ZNF503: variants seen among roughly 807,000 people sequenced by gnomAD.
ZNF503 encodes NocA-like zinc finger 2.
ZNF503 carries 15 observed loss-of-function variants against 34.4 expected under a neutral mutation model. The ratio of observed to expected loss-of-function variants is 0.44; its 90% CI spans 0.29 to 0.67. The LOEUF (loss-of-function observed/expected upper bound fraction) is 0.67. ZNF503 is among the 30% of genes least tolerant of loss of function. The probability of loss-of-function intolerance (pLI) is 0.13; values close to 1 mark genes in which losing one functional copy is unlikely to be tolerated. For synonymous variants in ZNF503, 580 were observed against 456.8 expected, an observed-to-expected ratio of 1.27 and a Z score of -3.44; for missense variants, 1,007 against 926.8, an observed-to-expected ratio of 1.09 and a Z score of -1.12.
chr10:75,383,260 A>G, the ZNF503 span, among the ~76,000 whole-genome samples: 1 of 152,214 alleles, frequency 6.6e-6, no homozygotes, highest in South Asian at 2.1e-4. Flanking sequence ...GCACCCATCC[A>G]TCTAGGGCTG....
In ZNF503 at chr10:75,398,906, G is replaced by A. The variant is rs1025552416; in HGVS notation, c.1784C>T (p.Ala595Val). ...GTGGTAGCGGCTGCTGAGTCCCAGC[G>A]CGTGGTGGGGGCTGCGCAGCGCCAG... is the stretch of plus-strand genomic sequence containing the variant. ...GTLALRSPHH[A>V]LGLSSRYHPY... is the part of the protein sequence containing the mutation. Residue 595 changes from alanine to valine, a missense_variant, in exon 2 of 2, where the codon GCG becomes GTG. By Grantham distance (64) the Ala-to-Val change is moderately conservative (BLOSUM62 0). Coordinates refer to ENST00000372524, the MANE Select transcript of ZNF503 (RefSeq NM_032772.6). 7.7e-6 allele frequency: 12 copies of A among 1,559,958 alleles called. No individual in the cohort carries two copies. The highest frequency in any genetic ancestry group is 1.0e-5 in the Non-Finnish European group (12 of 1,156,154).
At chr10:75,325,970 C>T in the ZNF503 span, among the ~76,000 whole-genome samples, 1 of 152,030 alleles carries the variant, frequency 6.6e-6, no homozygotes, top group Non-Finnish European at 1.5e-5. Flanking sequence ...GTGATCCTCC[C>T]GCCTTGGCCT....
the ZNF503 span, among the ~76,000 whole-genome samples, chr10:75,290,896 G>C: frequency 8.5e-5 from 13 of 152,176 alleles, no homozygotes; most frequent in Admixed American, 1.3e-4. Context: ...GTGATGGGGA[G>C]AGCATTACCT....
At chr10:75,333,255 C>T in the ZNF503 span, among the ~76,000 whole-genome samples, 5 of 104,212 alleles carry the variant, frequency 4.8e-5, no homozygotes, top group African/African-American at 8.1e-5. Context: ...ACCTCCCTCC[C>T]GGACGGGGCG....
chr10:75,290,604 G>A, the ZNF503 span, among the ~76,000 whole-genome samples: 8 of 152,336 alleles, frequency 5.3e-5, no homozygotes, highest in African/African-American at 1.9e-4. Flanking sequence ...ATGGAGAGAG[G>A]CAAGGTTATG....
chr10:75,290,861 T>C, the ZNF503 span, among the ~76,000 whole-genome samples: 2 of 152,198 alleles, frequency 1.3e-5, no homozygotes, highest in Admixed American at 1.3e-4. Flanking sequence ...GAGCTAATCA[T>C]CCAGCCTCTG....
the ZNF503 span, among the ~76,000 whole-genome samples, chr10:75,355,600 C>T: frequency 0.052 from 7,915 of 152,220 alleles, 566 homozygotes; most frequent in African/African-American, 0.15. Context: ...GCCCCTCTCC[C>T]CTGATAACAG....
the ZNF503 span, among the ~76,000 whole-genome samples, chr10:75,285,979 T>C: frequency 4.6e-5 from 7 of 152,046 alleles, no homozygotes; most frequent in Non-Finnish European, 7.4e-5. Flanking sequence ...GGTATAGAAC[T>C]ATTTTCAGAA....
the ZNF503 span, among the ~76,000 whole-genome samples, chr10:75,319,300 C>T: frequency 6.6e-6 from 1 of 152,100 alleles, no homozygotes; most frequent in East Asian, 1.9e-4. Flanking sequence ...ATTATAACAC[C>T]ATCTTAGTGG....
At chr10:75,282,039 C>G in the ZNF503 span, among the ~76,000 whole-genome samples, 3 of 152,252 alleles carry the variant, frequency 2.0e-5, no homozygotes, top group Admixed American at 2.0e-4. Context: ...CATTGCATAT[C>G]CAACAGCCAT....
the ZNF503 span, chr10:75,343,150 A>G: frequency 6.6e-6 from 1 of 152,230 alleles, no homozygotes; most frequent in African/African-American, 2.4e-5. Flanking sequence ...GGGAGGAAAC[A>G]GAACTGAGAA....
the ZNF503 span, among the ~76,000 whole-genome samples, chr10:75,335,623 C>T: frequency 6.6e-6 from 1 of 152,194 alleles, no homozygotes; most frequent in Non-Finnish European, 1.5e-5. Flanking sequence ...CCATAATTCT[C>T]CTTTATCCCA....
rs775388228 is a variant in ZNF503, at chr10:75,399,201, C to T, written c.1489G>A (p.Gly497Ser). Reference sequence around the variant, plus strand: ...AAGCCGTAGGGGTAGAGGGGGTGGCCGGCCAGGGAGGGCGGTGTGGCGCCA... The same window carrying T: ...AAGCCGTAGGGGTAGAGGGGGTGGCTGGCCAGGGAGGGCGGTGTGGCGCCA... ...AAGATPPSLA[G>S]HPLYPYGFML... Residue 497 changes from glycine (G) to serine (S), a missense_variant, in exon 2 of 2, where the codon GGC becomes AGC. By Grantham distance (56) the Gly-to-Ser change is moderately conservative (BLOSUM62 0). Coordinates refer to ENST00000372524, the MANE Select transcript of ZNF503 (RefSeq NM_032772.6). 6 of 1,599,056 alleles carry T rather than the reference C, an allele frequency of 3.8e-6. No individual in the cohort carries two copies. In the South Asian group the frequency reaches 6.7e-5, roughly 18 times the overall value.
the ZNF503 span, among the ~76,000 whole-genome samples, chr10:75,386,502 A>G: frequency 6.6e-6 from 1 of 152,198 alleles, no homozygotes; most frequent in Non-Finnish European, 1.5e-5. Flanking sequence ...TTCACCAGGT[A>G]GAGTCCATTC....
the ZNF503 span, among the ~76,000 whole-genome samples, chr10:75,375,994 C>T: frequency 2.0e-5 from 3 of 152,184 alleles, no homozygotes; most frequent in African/African-American, 7.2e-5. Flanking sequence ...GGAGGTACTG[C>T]ACGTCACAAG....
At chr10:75,315,212 T>G in the ZNF503 span, among the ~76,000 whole-genome samples, 1 of 152,014 alleles carries the variant, frequency 6.6e-6, no homozygotes, top group African/African-American at 2.4e-5. Context: ...ATTTAAAAAT[T>G]AGCCAGGCAT....
chr10:75,308,734 G>T, the ZNF503 span, among the ~76,000 whole-genome samples: 1 of 152,216 alleles, frequency 6.6e-6, no homozygotes, highest in Non-Finnish European at 1.5e-5. Context: ...TGCAGATGTG[G>T]TAGAAATAGC....
At chr10:75,324,923 A>G in the ZNF503 span, among the ~76,000 whole-genome samples, 1 of 152,182 alleles carries the variant, frequency 6.6e-6, no homozygotes, top group Non-Finnish European at 1.5e-5. Flanking sequence ...TGTAGCATGT[A>G]TCAGTACTTC....
the ZNF503 span, among the ~76,000 whole-genome samples, chr10:75,312,543 G>A: frequency 6.6e-6 from 1 of 152,132 alleles, no homozygotes; most frequent in East Asian, 1.9e-4. Flanking sequence ...AGGAGAAAGA[G>A]AGTGGGCCTA....
Sources: gnomAD v4.1 joint callset for allele counts (sites outside exome capture counted in the v4.1 genomes callset) on GRCh38, gnomAD v4.1.1 for gene constraint, MANE v1.5 for transcripts, NCBI Gene and HGNC (gene_info 2026-07-23, HGNC 2026-07-21) for gene names.